Variants in CD300A observed in about 807,000 individuals in gnomAD.
CD300A encodes the protein CD300a molecule.
A neutral mutation model predicts 33.6 loss-of-function variants in CD300A; 22 were observed. That is an observed-to-expected ratio of 0.66 (90% CI 0.47 to 0.94). The LOEUF (loss-of-function observed/expected upper bound fraction) is 0.94. Among genes scored for constraint, CD300A ranks in the 40% least tolerant of loss-of-function variants. The pLI is 0.00. For synonymous variants in CD300A, 136 were observed against 148.1 expected, an observed-to-expected ratio of 0.92 and a Z score of 0.59; for missense variants, 326 against 360.5, an observed-to-expected ratio of 0.90 and a Z score of 0.77.
At chr17:74,482,117 C>G (rs947412944) in intron 6 of CD300A, among the ~76,000 whole-genome samples, 2 of 152,114 alleles carry the variant, frequency 1.3e-5, no homozygotes, top group Non-Finnish European at 2.9e-5. Context: ...TATCGTGAGC[C>G]AAGCTGAGAA....
chr17:74,468,524 G>A (rs1192882810), intron 1 of CD300A, among the ~76,000 whole-genome samples: 3 of 151,880 alleles, frequency 2.0e-5, no homozygotes, highest in Non-Finnish European at 2.9e-5. Flanking sequence ...TTAGGGACAG[G>A]GTCTTACCAT....
intron 6 of CD300A, among the ~76,000 whole-genome samples, chr17:74,482,757 C>G (rs1336993971): frequency 7.0e-6 from 1 of 142,302 alleles, no homozygotes; most frequent in Non-Finnish European, 1.5e-5. Flanking sequence ...ATCCCCCAGG[C>G]TGGAATGCAG....
chr17:74,474,459 C>A (rs1489798227), intron 2 of CD300A, 73 bp from the exon 3 acceptor site: 7 of 1,513,294 alleles, frequency 4.6e-6, no homozygotes, highest in African/African-American at 2.7e-5. Context: ...TGAAATCAAA[C>A]CAAAAAGGCA....
At chr17:74,478,070 C>A (rs967086874) in intron 4 of CD300A, among the ~76,000 whole-genome samples, 1 of 152,208 alleles carries the variant, frequency 6.6e-6, no homozygotes, top group African/African-American at 2.4e-5. Context: ...AAACCAACTT[C>A]TTGTATCTCC....
intron 1 of CD300A, among the ~76,000 whole-genome samples, chr17:74,471,934 A>C (rs1906127455): frequency 6.6e-6 from 1 of 152,080 alleles, no homozygotes; most frequent in African/African-American, 2.4e-5. Context: ...AGCATCTGAA[A>C]CAGTAAGTAA....
chr17:74,476,644 C>T (rs1316996322), intron 3 of CD300A, among the ~76,000 whole-genome samples: 5 of 152,164 alleles, frequency 3.3e-5, no homozygotes, highest in Admixed American at 6.5e-5. Flanking sequence ...TCTGCTGCTG[C>T]GTGGTCAGGT....
chr17:74,481,388 G>A lies in CD300A; in HGVS notation c.666+62G>A, dbSNP rs1336046497. On this transcript the variant is annotated intron_variant, in intron 5 of 6. Transcript: ENST00000360141. ...GGGCGGAGGGTACAGAGGCTGCTGG[G>A]GAGTTGGACAGTCCCATCGGCCAAC... 5 of 1,503,082 alleles carry A rather than the reference G, an allele frequency of 3.3e-6. No individual in the cohort carries two copies. The African/African-American group carries it at 4.1e-5, about 12-fold the overall frequency. The allele number at this position is 1,503,082 out of a possible 1,614,324, so 93.1% of individuals were successfully genotyped here. A position where few individuals can be genotyped will look rare whatever the true frequency, so the allele number is the denominator to read the frequency against.
upstream of CD300A, chr17:74,466,568 A>ACCAAAAGAAGCTGAACAAGGAAGCAG (rs1905718104): frequency 1.4e-5 from 14 of 1,031,360 alleles, no homozygotes; most frequent in Admixed American, 7.0e-5. Flanking sequence ...CAGGAATAGA[A>ACCAAAAGAAGCTGAACAAGGAAGCAG]CCAAAAGAAG....
intron 6 of CD300A, among the ~76,000 whole-genome samples, chr17:74,482,232 C>G (rs1342321665): frequency 1.3e-5 from 2 of 152,058 alleles, no homozygotes; most frequent in Non-Finnish European, 2.9e-5. Context: ...GCGCAGCCAC[C>G]TTCAACTGGG....
At chr17:74,468,068 C>T (rs1021468442) in intron 1 of CD300A, among the ~76,000 whole-genome samples, 11 of 148,110 alleles carry the variant, frequency 7.4e-5, no homozygotes, top group Admixed American at 2.7e-4. Context: ...GAGTTTTGCT[C>T]TTGTTGCCCA....
intron 6 of CD300A, 34 bp from the exon 7 acceptor site, chr17:74,483,967 C>A: frequency 1.2e-6 from 2 of 1,610,616 alleles, no homozygotes; most frequent in Non-Finnish European, 1.7e-6. Flanking sequence ...CCTTGCCTCT[C>A]CCAAGTCTTC....
chr17:74,479,869 G>A (rs759897955), intron 4 of CD300A, among the ~76,000 whole-genome samples: 8 of 152,022 alleles, frequency 5.3e-5, no homozygotes, highest in African/African-American at 9.7e-5. Context: ...CACATTTGTC[G>A]TTCATTCATT....
chr17:74,482,000 G>T (rs1379644468), intron 6 of CD300A, among the ~76,000 whole-genome samples, 167 bp downstream of exon 6: 3 of 150,958 alleles, frequency 2.0e-5, no homozygotes, highest in African/African-American at 7.3e-5. Flanking sequence ...CAGAGCAGAG[G>T]TCCTTAGGAG....
intron 3 of CD300A, among the ~76,000 whole-genome samples, chr17:74,475,120 C>G (rs2144519238): frequency 6.6e-6 from 1 of 152,206 alleles, no homozygotes; most frequent in South Asian, 2.1e-4. Context: ...GAGGAGGCCT[C>G]ACAATCAAGG....
At chr17:74,471,848 A>C (rs1906119771) in intron 1 of CD300A, among the ~76,000 whole-genome samples, 1 of 152,140 alleles carries the variant, frequency 6.6e-6, no homozygotes. Flanking sequence ...TAGAGGGCCT[A>C]CAGGTGCAAG....
Position 74,481,784 on chromosome 17 carries a change from A to C in CD300A, c.725A>C (p.Gln242Pro). Reference sequence around the variant, plus strand: ...CTGGAGCTGCTGATGTGGCCTCTGCAGGAAAAGCCAGCACCACCAAGGGAG... The same window carrying C: ...CTGGAGCTGCTGATGTGGCCTCTGCCGGAAAAGCCAGCACCACCAAGGGAG... ...ANLELLMWPL[Q>P]EKPAPPREVE... Residue 242 changes from glutamine to proline, a missense_variant, in exon 6 of 7, where the codon CAG (glutamine) becomes CCG (proline). By Grantham distance (76) the Gln-to-Pro change is moderately conservative. Coordinates refer to ENST00000360141, the MANE Select transcript of CD300A (RefSeq NM_007261.4). The C allele has an allele frequency of 6.2e-7, 1 of 1,613,200 alleles. No homozygotes were observed. Among genetic ancestry groups the C allele is most frequent in the Non-Finnish European group, 8.5e-7 (1 of 1,179,828 alleles).
intron 1 of CD300A, chr17:74,470,348 G>C: frequency 1.8e-6 from 1 of 560,734 alleles, no homozygotes; most frequent in African/African-American, 2.0e-5. Flanking sequence ...TTGGGTGACA[G>C]TTTTTTATCC....
chr17:74,481,554 C>A, intron 5 of CD300A, 172 bp from the exon 6 acceptor site: 1 of 658,170 alleles, frequency 1.5e-6, no homozygotes, highest in Admixed American at 2.6e-5. Context: ...CCCTCCCAGC[C>A]AAGCTGACCT....
intron 5 of CD300A, 74 bp downstream of exon 5, chr17:74,481,400 TC>T: frequency 7.2e-7 from 1 of 1,392,858 alleles, no homozygotes; most frequent in Non-Finnish European, 1.0e-6. Context: ...AGTTGGACAG[TC>T]CCATCGGCCA....
Sources: allele counts gnomAD v4.1 joint callset (sites outside exome capture counted in the v4.1 genomes callset), GRCh38; gene constraint gnomAD v4.1.1; transcripts MANE v1.5; gene names NCBI Gene and HGNC (gene_info 2026-07-23, HGNC 2026-07-21).